Variants in DMD observed in about 807,000 individuals in gnomAD.
DMD encodes the protein dystrophin, also known as mutant dystrophin.
Under a neutral mutation model 330.1 loss-of-function variants are expected in DMD, and 63 were observed. The ratio of observed to expected loss-of-function variants is 0.19; its 90% CI spans 0.16 to 0.24. The LOEUF (loss-of-function observed/expected upper bound fraction) is 0.24. Ranked by LOEUF, DMD falls within the 10% of genes least tolerant of loss-of-function variation. The probability of loss-of-function intolerance (pLI) is 1.00; values close to 1 mark genes in which losing one functional copy is unlikely to be tolerated. For missense variants in DMD, 3,344 were observed against 2,684.1 expected (o/e 1.25, Z -5.43); for synonymous variants, 1,223 against 959.8 (o/e 1.27, Z -5.07).
At chrX:32,949,345 G>GGT (rs1435888834) in intron 2 of DMD, among the ~76,000 whole-genome samples, 6,796 of 38,209 alleles carry the variant, frequency 0.18, 312 homozygotes, top group Non-Finnish European at 0.21. Context: ...TAGGTAGGTA[G>GGT]ATAGATAGAT....
chrX:32,909,978 G>C (rs1437265725), intron 2 of DMD, among the ~76,000 whole-genome samples: 1 of 111,487 alleles, frequency 9.0e-6, no homozygotes, highest in Non-Finnish European at 1.9e-5. Flanking sequence ...CATATAACTT[G>C]TGTTTTAGTC....
At chrX:31,404,861 A>C (rs1260939496) in intron 60 of DMD, among the ~76,000 whole-genome samples, 1 of 112,397 alleles carries the variant, frequency 8.9e-6, no homozygotes, top group Non-Finnish European at 1.9e-5. Flanking sequence ...TCAAATTGCC[A>C]TTTATGCAAT....
At position 32,447,993 on chromosome X, in the gene DMD, C is replaced by T. The variant is rs779264726; in HGVS notation, c.3786+463G>A. ...GTCTAACAAAGAACTCTATGGGGCA[C>T]GGCAATTACTAAAGACAATTGTAGT... On this transcript the variant is annotated intron_variant, in intron 27 of 78. Transcript: ENST00000357033. 1.4e-4 allele frequency among the ~76,000 whole-genome samples: 16 copies of T among 110,632 alleles called. No individual in the cohort carries two copies. The South Asian group carries it at 1.9e-3, about 13-fold the overall frequency.
chrX:32,828,805 G>T (rs2078949964), intron 4 of DMD, among the ~76,000 whole-genome samples: 1 of 110,711 alleles, frequency 9.0e-6, no homozygotes, highest in African/African-American at 3.3e-5. Context: ...TTTTGTTTTT[G>T]ATTCTTTTAG....
intron 21 of DMD, among the ~76,000 whole-genome samples, chrX:32,484,380 G>A (rs1354600554): frequency 1.8e-5 from 2 of 111,920 alleles, no homozygotes; most frequent in Non-Finnish European, 3.8e-5. Flanking sequence ...TTGCATAATT[G>A]CTCCACTTTT....
At chrX:33,205,147 G>A (rs1042869344) in intron 1 of DMD, among the ~76,000 whole-genome samples, 8 of 112,371 alleles carry the variant, frequency 7.1e-5, no homozygotes, top group Non-Finnish European at 1.3e-4. Context: ...ATCTGATTAC[G>A]CTCTTTAAAG....
At chrX:32,394,659 G>A (rs971819022) in intron 30 of DMD, among the ~76,000 whole-genome samples, 5 of 110,340 alleles carry the variant, frequency 4.5e-5, no homozygotes, top group Non-Finnish European at 9.5e-5. Context: ...GAATCAAGGT[G>A]GAATTTAAAT....
intron 2 of DMD, among the ~76,000 whole-genome samples, chrX:32,882,807 A>G (rs1303667680): frequency 8.9e-6 from 1 of 112,306 alleles, no homozygotes; most frequent in Non-Finnish European, 1.9e-5. Context: ...GAAAATTGCT[A>G]TACCATCCAT....
intron 59 of DMD, among the ~76,000 whole-genome samples, chrX:31,476,934 G>A (rs1258919637): frequency 9.0e-6 from 1 of 111,533 alleles, no homozygotes; most frequent in Non-Finnish European, 1.9e-5. Flanking sequence ...ATGCAGAAGG[G>A]TTTAAGGATG....
At chrX:32,564,447 G>A (rs746359942) in intron 16 of DMD, among the ~76,000 whole-genome samples, 2 of 111,755 alleles carry the variant, frequency 1.8e-5, no homozygotes, top group East Asian at 2.8e-4. Flanking sequence ...AATGTCTCAT[G>A]TATTTATTAC....
At chrX:32,473,986 C>A (rs2040933885) in intron 21 of DMD, among the ~76,000 whole-genome samples, 1 of 110,056 alleles carries the variant, frequency 9.1e-6, no homozygotes, top group South Asian at 3.9e-4. Flanking sequence ...CTCCCCCCAA[C>A]CTTCCCCACA....
chrX:32,563,342 C>CAA lies in DMD; in HGVS notation c.1992+2358_1992+2359dup, dbSNP rs745316161. On this transcript the variant is annotated intron_variant, in intron 16 of 78. Transcript: ENST00000357033. ...TGGGTGACACAGTGAGACTCCATCTCAAAAAAAAAAAAAAAAAAAAAAGCA... is the reference window on the plus strand; with the variant it reads ...TGGGTGACACAGTGAGACTCCATCTCAAAAAAAAAAAAAAAAAAAAAAAAGCA... Among the ~76,000 whole-genome samples, 84 of 42,754 alleles carry CAA rather than the reference C, an allele frequency of 2.0e-3. 1 individual carries two copies. Among genetic ancestry groups the CAA allele is most frequent in the East Asian group, 7.1e-3 (8 of 1,129 alleles). 37.1% of individuals were successfully genotyped at this position (42,754 alleles called of 115,157 possible). A position where few individuals can be genotyped will look rare whatever the true frequency, so the allele number is the denominator to read the frequency against.
intron 2 of DMD, among the ~76,000 whole-genome samples, chrX:32,878,236 G>T (rs1405390304): frequency 1.8e-5 from 2 of 110,911 alleles, no homozygotes. Flanking sequence ...AAATTAGCCG[G>T]GTGTAGTGGC....
chrX:33,079,771 A>T (rs1331392607), intron 1 of DMD, among the ~76,000 whole-genome samples: 2 of 111,761 alleles, frequency 1.8e-5, no homozygotes, highest in African/African-American at 3.3e-5. Flanking sequence ...ACCATAAGTC[A>T]TTCATTTGAC....
intron 9 of DMD, among the ~76,000 whole-genome samples, chrX:32,683,560 G>T (rs373297771): frequency 1.0e-5 from 1 of 99,819 alleles, no homozygotes; most frequent in Non-Finnish European, 2.0e-5. Context: ...ACCAAACACC[G>T]CATGTTCTCA....
intron 30 of DMD, among the ~76,000 whole-genome samples, chrX:32,392,803 A>G (rs2098013517): frequency 8.9e-6 from 1 of 112,588 alleles, no homozygotes; most frequent in African/African-American, 3.2e-5. Flanking sequence ...CCCTTTTAGA[A>G]TCCATCCAAC....
intron 7 of DMD, among the ~76,000 whole-genome samples, chrX:32,773,561 G>C (rs1343543042): frequency 2.2e-5 from 2 of 89,680 alleles, no homozygotes; most frequent in Non-Finnish European, 4.4e-5. Flanking sequence ...TCCTTATCCT[G>C]TCCTCCCCAC....
intron 64 of DMD, among the ~76,000 whole-genome samples, chrX:31,215,791 G>A (rs2045348151): frequency 8.9e-6 from 1 of 112,299 alleles, no homozygotes; most frequent in African/African-American, 3.2e-5. Context: ...AGCCATTAGT[G>A]GGTGGAGGGA....
intron 29 of DMD, among the ~76,000 whole-genome samples, chrX:32,437,968 G>T (rs2098267860): frequency 8.9e-6 from 1 of 111,905 alleles, no homozygotes; most frequent in Non-Finnish European, 1.9e-5. Context: ...ACACATACTG[G>T]TCTATCTTGA....
Sources: gnomAD v4.1 joint callset for allele counts (sites outside exome capture counted in the v4.1 genomes callset) on GRCh38, gnomAD v4.1.1 for gene constraint, MANE v1.5 for transcripts, NCBI Gene and HGNC (gene_info 2026-07-23, HGNC 2026-07-21) for gene names.